UPF2: variants seen among roughly 807,000 people sequenced by gnomAD.
The protein encoded by UPF2 is regulator of nonsense transcripts 2.
Under a neutral mutation model 141.4 loss-of-function variants are expected in UPF2, and 17 were observed. The ratio of observed to expected loss-of-function variants is 0.12; its 90% CI spans 0.08 to 0.18. The LOEUF (loss-of-function observed/expected upper bound fraction) is 0.18, where lower values mean the gene tolerates loss of function less well. UPF2 is among the 10% of genes least tolerant of loss of function. UPF2 has a pLI of 1.00. For synonymous variants in UPF2, 540 were observed against 498.0 expected, an observed-to-expected ratio of 1.08 and a Z score of -1.12; for missense variants, 1,152 against 1,515.9, an observed-to-expected ratio of 0.76 and a Z score of 3.99.
intron 4 of UPF2, among the ~76,000 whole-genome samples, chr10:12,012,075 T>C (rs1588568738): frequency 6.7e-6 from 1 of 150,198 alleles, no homozygotes; most frequent in South Asian, 2.1e-4. Context: ...GTATGCTAAA[T>C]GTTTTTTTTT....
chr10:11,965,465 T>A (rs1302416903), intron 10 of UPF2, among the ~76,000 whole-genome samples: 2 of 152,162 alleles, frequency 1.3e-5, no homozygotes, highest in Non-Finnish European at 2.9e-5. Flanking sequence ...TAGTATTTTA[T>A]TTATTTATTT....
chr10:11,943,199 A>C (rs1832957748), intron 16 of UPF2, 31 bp from the exon 17 acceptor site: 11 of 1,531,692 alleles, frequency 7.2e-6, no homozygotes, highest in African/African-American at 6.9e-5. Flanking sequence ...AAGATTAAAT[A>C]ACTTTTCGAA....
intron 2 of UPF2, among the ~76,000 whole-genome samples, chr10:12,034,522 C>T (rs1834586723): frequency 1.3e-5 from 2 of 149,072 alleles, no homozygotes; most frequent in Admixed American, 1.4e-4. Context: ...AAAAAATAAA[C>T]AGCCAGGTGC....
chr10:11,954,651 T>A (rs896631936), intron 14 of UPF2, among the ~76,000 whole-genome samples: 14 of 143,804 alleles, frequency 9.7e-5, no homozygotes, highest in African/African-American at 2.8e-4. Flanking sequence ...AAAATATATA[T>A]ATATATATAT....
At chr10:11,948,531 G>T in intron 15 of UPF2, 23 bp from the exon 16 acceptor site, 1 of 1,604,924 alleles carries the variant, frequency 6.2e-7, no homozygotes, top group South Asian at 1.1e-5. Flanking sequence ...AGGTGGAAAT[G>T]GAAAAATACA....
chr10:12,040,523 G>GT (rs1218121204), intron 1 of UPF2, among the ~76,000 whole-genome samples: 2 of 152,076 alleles, frequency 1.3e-5, no homozygotes, highest in Non-Finnish European at 2.9e-5. Flanking sequence ...CCTGATACTG[G>GT]TATCTCCTTT....
At chr10:12,020,823 C>G (rs926833223) in intron 3 of UPF2, among the ~76,000 whole-genome samples, 12 of 152,210 alleles carry the variant, frequency 7.9e-5, no homozygotes, top group African/African-American at 2.7e-4. Flanking sequence ...AATGACAGTG[C>G]TCTAGCTCCA....
intron 14 of UPF2, 147 bp downstream of exon 14, chr10:11,955,085 C>A: frequency 1.3e-6 from 1 of 779,312 alleles, no homozygotes; most frequent in Admixed American, 4.1e-5. Flanking sequence ...TTTAAATTTC[C>A]AAAAGCATTC....
intron 3 of UPF2, among the ~76,000 whole-genome samples, chr10:12,018,481 T>C (rs1834262677): frequency 6.6e-6 from 1 of 152,064 alleles, no homozygotes. Context: ...CTCAGGAGGC[T>C]GAGGTAGGAG....
Position 12,042,634 on chromosome 10 carries a change from G to A in UPF2, c.-19+121C>T, listed in dbSNP as rs1374723171. 6.6e-6 allele frequency: 1 copy of A among 152,438 alleles called. No homozygotes were observed. The highest frequency in any genetic ancestry group is 1.5e-5 in the Non-Finnish European group (1 of 68,246). 9.4% of individuals were successfully genotyped at this position (152,438 alleles called of 1,614,324 possible). On this transcript the variant is annotated intron_variant, in intron 1 of 21. Transcript: ENST00000357604. This position sits in a 1 kb window ranked among gnomAD's most constrained non-coding sequence, Gnocchi z 5.5. ...CCCTCCACTGCTCGCCGACCCCGGAGAGCTGGAGTGTGGAGTCGCCTCTGG... is the reference window on the plus strand; with the variant it reads ...CCCTCCACTGCTCGCCGACCCCGGAAAGCTGGAGTGTGGAGTCGCCTCTGG...
intron 11 of UPF2, among the ~76,000 whole-genome samples, chr10:11,962,777 G>A (rs935790202): frequency 3.3e-5 from 5 of 152,228 alleles, no homozygotes; most frequent in Admixed American, 1.3e-4. Flanking sequence ...AAGCTAGTGC[G>A]TGCCTATCCT....
intron 9 of UPF2, among the ~76,000 whole-genome samples, chr10:11,970,214 A>C (rs189764959): frequency 2.6e-5 from 4 of 152,228 alleles, no homozygotes; most frequent in African/African-American, 9.6e-5. Context: ...CAATTAATGT[A>C]CAGGACAAAA....
At position 11,956,103 on chromosome 10, in the gene UPF2, T is replaced by C. The variant is rs754247627; in HGVS notation, c.2574+217A>G. ...AAGAGGTTGCAGCGAGCGGAGATCG[T>C]GCCAGTGCACTCCAGCCTGGGTGAC... On this transcript the variant is annotated intron_variant, in intron 13 of 21. Coordinates refer to ENST00000357604, the MANE Select transcript of UPF2 (RefSeq NM_015542.4). The surrounding 1 kb of genome is among the most constrained non-coding windows in gnomAD (Gnocchi z 4.2). 2.0e-5 allele frequency among the ~76,000 whole-genome samples: 3 copies of C among 148,596 alleles called. No homozygotes were observed. The highest frequency in any genetic ancestry group is 4.4e-5 in the Non-Finnish European group (3 of 67,608).
In UPF2 at chr10:11,939,323, A is replaced by C. The variant is rs1347806242; in HGVS notation, c.3379-2611T>G. On this transcript the variant is annotated intron_variant, in intron 18 of 21. Transcript: ENST00000357604. The surrounding 1 kb of genome is among the most constrained non-coding windows in gnomAD (Gnocchi z 4.8). ...TTATTGGAGTGTTTGATAGATTTGC[A>C]ATTAATTCTGCTGTGGAAATAAAAC... Among the ~76,000 whole-genome samples the C allele has an allele frequency of 2.0e-5, 3 of 152,140 alleles. No homozygotes were observed. The highest frequency in any genetic ancestry group is 4.8e-5 in the African/African-American group (2 of 41,422).
rs534596769 is a variant in UPF2, at chr10:12,025,359, T to A, written c.1145+3386A>T. On this transcript the variant is annotated intron_variant, in intron 3 of 21. Coordinates refer to ENST00000357604, the MANE Select transcript of UPF2 (RefSeq NM_015542.4). The stretch of plus-strand genomic sequence containing the variant: ...TGAGGTCAGGAGTTTGAGACCGGCA[T>A]GGCCAACATGGTGAAACCCCATCTC... 2.0e-5 allele frequency among the ~76,000 whole-genome samples: 3 copies of A among 152,258 alleles called. No individual in the cohort carries two copies. In the South Asian group the frequency reaches 6.2e-4, roughly 32 times the overall value.
In UPF2 at chr10:11,920,410, G is replaced by A. The variant is rs1196856836; in HGVS notation, c.*888C>T. The A allele has an allele frequency of 1.3e-5, 2 of 152,000 alleles. No homozygotes were observed. The highest frequency in any genetic ancestry group is 4.8e-5 in the African/African-American group (2 of 41,396). 9.4% of individuals were successfully genotyped at this position (152,000 alleles called of 1,614,324 possible). A position where few individuals can be genotyped will look rare whatever the true frequency, so the allele number is the denominator to read the frequency against. On this transcript the variant is annotated 3_prime_UTR_variant, in exon 22 of 22. Transcript: ENST00000357604. The stretch of plus-strand genomic sequence containing the variant: ...TCTACTTGTTTCCATACTTTGTTTA[G>A]AGACAGAGGCTGTAAACCCATGAAG...
chr10:12,024,491 T>C (rs1397931319), intron 3 of UPF2, among the ~76,000 whole-genome samples: 2 of 151,584 alleles, frequency 1.3e-5, no homozygotes, highest in Non-Finnish European at 2.9e-5. Context: ...GTGCCTATAG[T>C]CCCAGCTACT....
intron 15 of UPF2, among the ~76,000 whole-genome samples, chr10:11,949,518 T>A (rs183377653): frequency 2.1e-4 from 32 of 152,342 alleles, no homozygotes; most frequent in Admixed American, 1.9e-3. Flanking sequence ...CATGTTGTTA[T>A]TTTTTCCTAA....
rs754494170 is a variant in UPF2 at position 11,963,995 on chromosome 10, C to T, written c.2184+14G>A. ...AAGAACCTCTAGCTCTTACCAGCAT[C>T]CTCAAGCCCTTACCAAAAGTACACT... On this transcript the variant is annotated intron_variant, in intron 11 of 21. Coordinates refer to ENST00000357604, the MANE Select transcript of UPF2 (RefSeq NM_015542.4). The T allele has an allele frequency of 1.3e-6, 2 of 1,590,214 alleles. No homozygotes were observed. The highest frequency in any genetic ancestry group is 1.3e-5 in the African/African-American group (1 of 74,286).
Sources: gnomAD v4.1 joint callset for allele counts (sites outside exome capture counted in the v4.1 genomes callset) on GRCh38, gnomAD v4.1.1 for gene constraint, Gnocchi (gnomAD v3.1) non-coding constraint, MANE v1.5 for transcripts, NCBI Gene and HGNC (gene_info 2026-07-23, HGNC 2026-07-21) for gene names.